QKI: variants seen among roughly 807,000 people sequenced by gnomAD.
The protein encoded by QKI is KH domain-containing RNA-binding protein QKI.
QKI carries 10 observed loss-of-function variants against 39.0 expected under a neutral mutation model. The observed-to-expected ratio is 0.26, with a 90% confidence interval of 0.16 to 0.43. The LOEUF (loss-of-function observed/expected upper bound fraction) is 0.43, where lower values mean the gene tolerates loss of function less well. QKI is among the 20% of genes least tolerant of loss of function. QKI has a pLI of 1.00. For synonymous variants in QKI, 204 were observed against 155.4 expected (o/e 1.31, Z -2.33); for missense variants, 218 against 428.0 (o/e 0.51, Z 4.33).
At chr6:163,525,800 G>A (rs943151028) in intron 3 of QKI, among the ~76,000 whole-genome samples, 15 of 152,186 alleles carry the variant, frequency 9.9e-5, no homozygotes, top group East Asian at 3.9e-4. Context: ...ATCTGAAGTC[G>A]GTTTAACTGA....
intron 3 of QKI, among the ~76,000 whole-genome samples, chr6:163,506,874 T>G (rs548471296): frequency 6.6e-6 from 1 of 152,302 alleles, no homozygotes; most frequent in South Asian, 2.1e-4. Flanking sequence ...AAGATTATAT[T>G]ACCCACTTCA....
chr6:163,571,341 C>G lies in QKI; in HGVS notation c.*631C>G, dbSNP rs1337932460. The G allele has an allele frequency of 6.6e-6, 1 of 152,100 alleles. No individual in the cohort carries two copies. The highest frequency in any genetic ancestry group is 1.5e-5 in the Non-Finnish European group (1 of 68,022). 9.4% of individuals were successfully genotyped at this position (152,100 alleles called of 1,614,324 possible). A position where few individuals can be genotyped will look rare whatever the true frequency, so the allele number is the denominator to read the frequency against. ...AAGAAAGTGTGCCATGAGAGAAAAACTTAAGGAGTTTTGAAAAGTAATGCA... is the reference window on the plus strand; with the variant it reads ...AAGAAAGTGTGCCATGAGAGAAAAAGTTAAGGAGTTTTGAAAAGTAATGCA... On this transcript the variant is annotated 3_prime_UTR_variant, in exon 8 of 8. Coordinates refer to ENST00000361752, the MANE Select transcript of QKI (RefSeq NM_006775.3).
intron 1 of QKI, among the ~76,000 whole-genome samples, chr6:163,426,051 C>G (rs1788378286): frequency 6.6e-6 from 1 of 152,112 alleles, no homozygotes; most frequent in Admixed American, 6.6e-5. Context: ...TAAAAGTTAA[C>G]ACTTCCTTAC....
chr6:163,416,886 T>C (rs1307073127), intron 1 of QKI, among the ~76,000 whole-genome samples: 1 of 148,270 alleles, frequency 6.7e-6, no homozygotes, highest in African/African-American at 2.5e-5. Context: ...ATTTGAAAGA[T>C]TGTGGAGGCA....
At chr6:163,503,467 G>A (rs991522032) in intron 3 of QKI, among the ~76,000 whole-genome samples, 2 of 145,236 alleles carry the variant, frequency 1.4e-5, no homozygotes, top group African/African-American at 5.0e-5. Flanking sequence ...CCAGATATTA[G>A]ACCCTTGTTG....
intron 1 of QKI, among the ~76,000 whole-genome samples, chr6:163,429,954 A>G (rs1237146588): frequency 6.6e-6 from 1 of 152,200 alleles, no homozygotes; most frequent in African/African-American, 2.4e-5. Context: ...AAGAAGACTA[A>G]AGACTGGTGC....
intron 2 of QKI, chr6:163,457,397 C>A: frequency 2.2e-6 from 1 of 456,008 alleles, no homozygotes; most frequent in Non-Finnish European, 4.4e-6. Flanking sequence ...CTTCTTGCCA[C>A]GGTGAACTAC....
chr6:163,428,260 T>G (rs1176985503), intron 1 of QKI, among the ~76,000 whole-genome samples: 1 of 152,220 alleles, frequency 6.6e-6, no homozygotes, highest in African/African-American at 2.4e-5. Flanking sequence ...GTAACTAGTT[T>G]AGTACATCAG....
chr6:163,565,734 C>T, intron 6 of QKI: 2 of 1,235,786 alleles, frequency 1.6e-6, no homozygotes, highest in African/African-American at 1.5e-5. Flanking sequence ...TTGGAGAACT[C>T]AGAAAATTAT....
At chr6:163,518,830 C>G (rs1779982744) in intron 3 of QKI, among the ~76,000 whole-genome samples, 1 of 152,090 alleles carries the variant, frequency 6.6e-6, no homozygotes, top group Non-Finnish European at 1.5e-5. Flanking sequence ...CAAACTAACT[C>G]AATTTATAGA....
chr6:163,447,598 AC>A (rs771794790), intron 1 of QKI, among the ~76,000 whole-genome samples: 4 of 152,146 alleles, frequency 2.6e-5, no homozygotes, highest in Admixed American at 6.5e-5. Context: ...GTGATTGAGG[AC>A]ATAACGATAT....
At chr6:163,510,217 A>AAATAT (rs1554270092) in intron 3 of QKI, among the ~76,000 whole-genome samples, 1 of 136,276 alleles carries the variant, frequency 7.3e-6, no homozygotes, top group Non-Finnish European at 1.6e-5. Context: ...CTCTATCTCA[A>AAATAT]AATAATAATA....
At chr6:163,479,150 G>T (rs532466118) in intron 3 of QKI, among the ~76,000 whole-genome samples, 1 of 151,946 alleles carries the variant, frequency 6.6e-6, no homozygotes, top group South Asian at 2.1e-4. Flanking sequence ...TTAGCTGGGC[G>T]TGGTGGCGGG....
At chr6:163,567,019 G>A (rs1163617662) in intron 7 of QKI, 3 of 1,223,548 alleles carry the variant, frequency 2.5e-6, no homozygotes, top group Non-Finnish European at 3.1e-6. Context: ...CTATTATTAT[G>A]TACTATGATT....
intron 3 of QKI, among the ~76,000 whole-genome samples, chr6:163,522,643 T>G (rs1780233417): frequency 6.6e-6 from 1 of 152,142 alleles, no homozygotes; most frequent in African/African-American, 2.4e-5. Flanking sequence ...ACTGGATAAG[T>G]GTTTAGCATT....
intron 2 of QKI, among the ~76,000 whole-genome samples, chr6:163,464,937 A>G (rs559986802): frequency 1.3e-5 from 2 of 152,216 alleles, no homozygotes; most frequent in African/African-American, 2.4e-5. Context: ...ATCCTCAACA[A>G]AATACTAGCA....
At chr6:163,551,675 A>G (rs756947777) in intron 4 of QKI, among the ~76,000 whole-genome samples, 13 of 152,222 alleles carry the variant, frequency 8.5e-5, no homozygotes, top group South Asian at 2.1e-4. Flanking sequence ...GAGGTTGTCA[A>G]GGTTGTGCTT....
intron 4 of QKI, among the ~76,000 whole-genome samples, chr6:163,547,452 T>G (rs1310761138): frequency 6.6e-6 from 1 of 152,226 alleles, no homozygotes; most frequent in African/African-American, 2.4e-5. Flanking sequence ...CAGTCTGTTC[T>G]GTAACCATGC....
chr6:163,467,399 C>G (rs886562232), intron 2 of QKI, among the ~76,000 whole-genome samples: 8 of 152,224 alleles, frequency 5.3e-5, no homozygotes, highest in African/African-American at 1.9e-4. Flanking sequence ...ATAAGCCTGA[C>G]TGGCTGTTCT....
Sources: gnomAD v4.1 joint callset for allele counts (sites outside exome capture counted in the v4.1 genomes callset) on GRCh38, gnomAD v4.1.1 for gene constraint, MANE v1.5 for transcripts, NCBI Gene and HGNC (gene_info 2026-07-23, HGNC 2026-07-21) for gene names.